The following FNBP1L variants were observed in gnomAD, a reference collection of about 807,000 sequenced individuals.
FNBP1L encodes formin-binding protein 1-like.
Under a neutral mutation model 91.2 loss-of-function variants are expected in FNBP1L, and 36 were observed. That is an observed-to-expected ratio of 0.39 (90% CI 0.30 to 0.52). The LOEUF is 0.52. FNBP1L is among the 20% of genes least tolerant of loss of function. The pLI is 0.66. For missense variants in FNBP1L, 571 were observed against 732.1 expected (o/e 0.78, Z 2.54); for synonymous variants, 242 against 237.0 (o/e 1.02, Z -0.19).
At chr1:93,459,973 GTGTGTT>G (rs1008817108) in intron 1 of FNBP1L, among the ~76,000 whole-genome samples, 62 of 149,616 alleles carry the variant, frequency 4.1e-4, no homozygotes, top group South Asian at 1.3e-3. Context: ...GTGTGTGTGT[GTGTGTT>G]TTTGGGATAT....
chr1:93,448,803 G>A (rs965837041), intron 1 of FNBP1L, among the ~76,000 whole-genome samples: 15 of 152,188 alleles, frequency 9.9e-5, no homozygotes, highest in African/African-American at 3.6e-4. Context: ...GCCCGTCTGG[G>A]GCGGCGCCGC....
intron 1 of FNBP1L, 35 bp downstream of exon 1, chr1:93,448,340 C>T (rs768393815): frequency 1.2e-5 from 18 of 1,483,032 alleles, no homozygotes; most frequent in East Asian, 2.9e-5. Context: ...GCACGGACCC[C>T]GGCCCCTGAG....
intron 4 of FNBP1L, 67 bp from the exon 5 acceptor site, chr1:93,524,194 A>G: frequency 3.1e-6 from 4 of 1,296,902 alleles, no homozygotes; most frequent in Non-Finnish European, 4.1e-6. Flanking sequence ...TTTAAATGTA[A>G]TTATTTTTAT....
At chr1:93,456,774 T>C (rs1668680855) in intron 1 of FNBP1L, among the ~76,000 whole-genome samples, 1 of 149,998 alleles carries the variant, frequency 6.7e-6, no homozygotes, top group African/African-American at 2.5e-5. Context: ...CAAGACCCTG[T>C]CTCAAAAAAA....
intron 2 of FNBP1L, among the ~76,000 whole-genome samples, chr1:93,501,638 A>G (rs1044475790): frequency 1.3e-5 from 2 of 152,106 alleles, no homozygotes. Context: ...TTGGGAATCA[A>G]ATTTCAACAT....
chr1:93,531,661 A>G (rs1357177749), intron 7 of FNBP1L, among the ~76,000 whole-genome samples: 3 of 152,218 alleles, frequency 2.0e-5, no homozygotes, highest in Non-Finnish European at 4.4e-5. Context: ...CATTGAATCC[A>G]GAGGGCCAAG....
intron 7 of FNBP1L, among the ~76,000 whole-genome samples, chr1:93,532,549 T>G (rs985248091): frequency 2.9e-5 from 4 of 138,342 alleles, no homozygotes; most frequent in African/African-American, 1.0e-4. Context: ...AGCACCAGAA[T>G]TTTGTCATCA....
chr1:93,552,290 C>T (rs138042318), intron 16 of FNBP1L, 119 bp from the exon 17 acceptor site: 192 of 1,473,154 alleles, frequency 1.3e-4, no homozygotes, highest in Admixed American at 2.0e-4. Context: ...CTGGTGTTTT[C>T]GGTAGCTGAC....
At chr1:93,507,148 C>CTT (rs1670665016) in intron 2 of FNBP1L, among the ~76,000 whole-genome samples, 2 of 144,384 alleles carry the variant, frequency 1.4e-5, no homozygotes, top group Non-Finnish European at 3.0e-5. Flanking sequence ...CTCTCTCTCT[C>CTT]TCTTTCTCTC....
chr1:93,471,658 C>G (rs930381812), intron 1 of FNBP1L, among the ~76,000 whole-genome samples: 2 of 152,184 alleles, frequency 1.3e-5, no homozygotes, highest in South Asian at 2.1e-4. Context: ...CACCACTGCA[C>G]TCCAGCCTGG....
intron 10 of FNBP1L, among the ~76,000 whole-genome samples, chr1:93,540,738 T>C (rs1012218701): frequency 1.3e-5 from 2 of 152,080 alleles, no homozygotes; most frequent in African/African-American, 4.8e-5. Context: ...TGAAATCCAC[T>C]TACATAAAAT....
chr1:93,517,510 A>T (rs1312202661), intron 2 of FNBP1L, among the ~76,000 whole-genome samples: 1 of 152,162 alleles, frequency 6.6e-6, no homozygotes, highest in South Asian at 2.1e-4. Flanking sequence ...AACATCTTTT[A>T]AAAAAATCCC....
At chr1:93,549,635 C>T (rs1404184679) in intron 15 of FNBP1L, among the ~76,000 whole-genome samples, 2 of 152,170 alleles carry the variant, frequency 1.3e-5, no homozygotes, top group African/African-American at 2.4e-5. Flanking sequence ...AAATTGCCCA[C>T]GTTACTAGCA....
intron 1 of FNBP1L, among the ~76,000 whole-genome samples, chr1:93,454,930 T>C: frequency 6.6e-6 from 1 of 151,996 alleles, no homozygotes; most frequent in Non-Finnish European, 1.5e-5. Context: ...TATTTATTTA[T>C]TTATTTATTT....
intron 12 of FNBP1L, among the ~76,000 whole-genome samples, chr1:93,545,039 C>A (rs1054059674): frequency 6.6e-6 from 1 of 152,032 alleles, no homozygotes; most frequent in Non-Finnish European, 1.5e-5. Flanking sequence ...ATTTGTGTTT[C>A]TGTGTAAAAA....
chr1:93,525,713 G>A (rs1671471574), intron 5 of FNBP1L, among the ~76,000 whole-genome samples: 1 of 152,152 alleles, frequency 6.6e-6, no homozygotes, highest in African/African-American at 2.4e-5. Flanking sequence ...AAGAAAGAAA[G>A]AAGCATCAAA....
chr1:93,549,481 T>TA (rs1339867929), intron 15 of FNBP1L, 55 bp downstream of exon 15: 1 of 1,352,248 alleles, frequency 7.4e-7, no homozygotes, highest in Non-Finnish European at 9.9e-7. Context: ...TAAAAGTATT[T>TA]ACATCAAGTC....
intron 5 of FNBP1L, among the ~76,000 whole-genome samples, chr1:93,525,315 C>T (rs1201847355): frequency 2.0e-5 from 3 of 152,026 alleles, no homozygotes; most frequent in African/African-American, 7.2e-5. Flanking sequence ...AGCCTGTTTT[C>T]TTTCCCTTTT....
At chr1:93,467,816 A>G (rs748814917) in intron 1 of FNBP1L, among the ~76,000 whole-genome samples, 2 of 152,094 alleles carry the variant, frequency 1.3e-5, no homozygotes, top group Admixed American at 1.3e-4. Context: ...GGTGTGCGCA[A>G]TAGTCCCAGC....
Sources: allele counts gnomAD v4.1 joint callset (sites outside exome capture counted in the v4.1 genomes callset), GRCh38; gene constraint gnomAD v4.1.1; transcripts MANE v1.5; gene names NCBI Gene and HGNC (gene_info 2026-07-23, HGNC 2026-07-21).